Variants in MUC4 observed in about 807,000 individuals in gnomAD.
MUC4 encodes mucin 4, cell surface associated.
A neutral mutation model predicts 257.9 loss-of-function variants in MUC4; 202 were observed. That is an observed-to-expected ratio of 0.78 (90% CI 0.70 to 0.88). The LOEUF is 0.88. MUC4 is among the 40% of genes least tolerant of loss of function. The pLI is 0.00. For missense variants in MUC4, 5,976 were observed against 6,513.7 expected, an observed-to-expected ratio of 0.92 and a Z score of 2.84; for synonymous variants, 2,351 against 2,757.1, an observed-to-expected ratio of 0.85 and a Z score of 4.62.
At chr3:195,808,101 T>G (rs1736213815) in intron 1 of MUC4, among the ~76,000 whole-genome samples, 1 of 152,252 alleles carries the variant, frequency 6.6e-6, no homozygotes, top group Non-Finnish European at 1.5e-5. Context: ...GGGTGGCTTT[T>G]TAGAGGCACG....
chr3:195,763,900 G>C, intron 11 of MUC4, 145 bp downstream of exon 11: 1 of 1,314,402 alleles, frequency 7.6e-7, no homozygotes, highest in African/African-American at 1.5e-5. Flanking sequence ...CCCCTCCACT[G>C]ACCATCCACC....
Position 195,801,463 on chromosome 3 carries a change from G to C in MUC4, c.83-9966C>G, listed in dbSNP as rs1429209292. ...GGGGCCCCGGGGCTCCCTCCTGCCC[G>C]GATGGCTCACTGCTCTGCCTCTGTG... On this transcript the variant is annotated intron_variant, in intron 1 of 24. Transcript: ENST00000463781. Among the ~76,000 whole-genome samples, 3 of 151,714 alleles carry C rather than the reference G, an allele frequency of 2.0e-5. No homozygotes were observed. In the East Asian group the frequency reaches 5.8e-4, roughly 29 times the overall value.
At chr3:195,766,527 G>A (rs1720531412) in intron 8 of MUC4, 136 bp downstream of exon 8, 3 of 749,362 alleles carry the variant, frequency 4.0e-6, no homozygotes, top group Non-Finnish European at 6.8e-6. Flanking sequence ...CCTGTAGGAG[G>A]TTGAACTGTG....
chr3:195,762,982 C>CA, intron 12 of MUC4, 37 bp from the exon 13 acceptor site: 2 of 1,465,186 alleles, frequency 1.4e-6, no homozygotes, highest in Middle Eastern at 3.4e-4. Context: ...GCCCGACCCG[C>CA]AGGTGGAGCC....
Position 195,791,304 on chromosome 3 carries a change from G to A in MUC4, c.276C>T (p.Thr92=), listed in dbSNP as rs1041751686. The part of the protein sequence containing the change: ...TETTSKAQTD[T]LTQMMTSTLF... ...GAGTTGATGTCATCATCTGCGTGAG[G>A]GTGTCGGTTTGAGCTTTGCTGGTGG... Residue 92 remains threonine, a synonymous_variant, in exon 2 of 25, where the codon ACC becomes ACT. Coordinates refer to ENST00000463781, the MANE Select transcript of MUC4 (RefSeq NM_018406.7). 6.2e-7 allele frequency: 1 copy of A among 1,613,738 alleles called. No homozygotes were observed. Among genetic ancestry groups the A allele is most frequent in the African/African-American group, 1.3e-5 (1 of 74,864 alleles).
Position 195,782,161 on chromosome 3 carries a change from G to C in MUC4, c.9419C>G (p.Thr3140Ser), listed in dbSNP as rs1435030136. The C allele has an allele frequency of 1.5e-6, 2 of 1,357,374 alleles. No homozygotes were observed. The highest frequency in any genetic ancestry group is 4.6e-5 in the Admixed American group (2 of 43,414). The allele number at this position is 1,357,374 out of a possible 1,614,324, so 84.1% of individuals were successfully genotyped here. ...ACCTGTGGATGCTGAGGAAGTGCTG[G>C]TGACAGGAAGAGCGGTGGCCTGACC... The part of the protein sequence containing the change: ...STGQATALPV[T>S]STSSASTGDT... Residue 3140 changes from threonine to serine, a missense_variant, in exon 2 of 25, where the codon ACC becomes AGC. Thr to Ser is a moderately conservative substitution (Grantham distance 58). Coordinates refer to ENST00000463781, the MANE Select transcript of MUC4 (RefSeq NM_018406.7).
rs1479315712 is a variant in MUC4, at chr3:195,747,502, A to G, written c.16035-122T>C. On this transcript the variant is annotated intron_variant, in intron 24 of 24. Transcript: ENST00000463781. The stretch of plus-strand genomic sequence containing the variant: ...GCTGGGCTCGCCCCACTCTCCGGAG[A>G]GACTGAGTCAGCCCTGAGGCCGTGC... The G allele has an allele frequency of 6.0e-6, 7 of 1,166,568 alleles. No individual in the cohort carries two copies. The East Asian group carries it at 7.6e-5, about 13-fold the overall frequency. The allele number at this position is 1,166,568 out of a possible 1,614,324, so 72.3% of individuals were successfully genotyped here. A position where few individuals can be genotyped will look rare whatever the true frequency, so the allele number is the denominator to read the frequency against.
chr3:195,757,130 C>A lies in MUC4; in HGVS notation c.15168+17G>T. On this transcript the variant is annotated intron_variant, in intron 18 of 24. Transcript: ENST00000463781. The surrounding 1 kb of genome is among the most constrained non-coding windows in gnomAD (Gnocchi z 4.8). The stretch of plus-strand genomic sequence containing the variant: ...CCCCTCGGCACAGAAACTCCTCCCC[C>A]ACCTCCCAACACTCACCTCCAGGGA... The A allele has an allele frequency of 1.3e-6, 2 of 1,580,126 alleles. No homozygotes were observed. The highest frequency in any genetic ancestry group is 8.7e-7 in the Non-Finnish European group (1 of 1,154,616).
In MUC4 at chr3:195,751,232, G is replaced by A; in HGVS notation, c.15622C>T (p.Leu5208Phe). 6.2e-7 allele frequency: 1 copy of A among 1,607,822 alleles called. No homozygotes were observed. Among genetic ancestry groups the A allele is most frequent in the Non-Finnish European group, 8.5e-7 (1 of 1,177,618 alleles). ...ATTCGTTCCACTTGGCTGTTGCGGA[G>A]AAAGGCCCGCATGTCCAGGGTCCCC... ...RLGTLDMRAF[L>F]RNSQVERIDS... Residue 5208 changes from leucine (L) to phenylalanine (F), a missense_variant, in exon 22 of 25, where the codon CTC becomes TTC. By Grantham distance (22) the Leu-to-Phe change is conservative. This residue lies in a region of MUC4 where 996 missense variants were observed against 1,137.3 expected (regional missense o/e 0.88). Coordinates refer to ENST00000463781, the MANE Select transcript of MUC4 (RefSeq NM_018406.7).
intron 24 of MUC4, among the ~76,000 whole-genome samples, chr3:195,747,931 T>C (rs1253264250): frequency 6.6e-6 from 1 of 152,242 alleles, no homozygotes; most frequent in Non-Finnish European, 1.5e-5. Context: ...GCGGCAGGGA[T>C]GCCGGCCACA....
At chr3:195,802,938 G>A (rs1207727254) in intron 1 of MUC4, among the ~76,000 whole-genome samples, 4 of 151,820 alleles carry the variant, frequency 2.6e-5, no homozygotes, top group South Asian at 4.2e-4. Context: ...TAGACTTCAC[G>A]CCCCTCCCTT....
At chr3:195,767,566 A>ATTG (rs1721124511) in intron 7 of MUC4, among the ~76,000 whole-genome samples, 1 of 116,020 alleles carries the variant, frequency 8.6e-6, no homozygotes, top group Non-Finnish European at 1.7e-5. Context: ...TACCATTGCC[A>ATTG]CCACCATCAC....
In MUC4 at chr3:195,790,323, A is replaced by C. The variant is rs776012510; in HGVS notation, c.1257T>G (p.Ser419=). The C allele has an allele frequency of 6.8e-6, 11 of 1,613,850 alleles. No individual in the cohort carries two copies. Among genetic ancestry groups the C allele is most frequent in the African/African-American group, 1.3e-5 (1 of 74,934 alleles). The stretch of plus-strand genomic sequence containing the variant: ...TGGTTGAAACTTTGGAAGTGATTGC[A>C]GAAATGGTTCCACTTACAGATAGTG... ...ETSLSVSGTI[S]AITSKVSTIW... The change falls in exon 2 of 25, where the codon TCT becomes TCG. Residue 419 remains serine, a synonymous_variant. Transcript: ENST00000463781.
rs1028766855 is a variant in MUC4, at chr3:195,778,062, G to T, written c.12943+241C>A. On this transcript the variant is annotated intron_variant, in intron 3 of 24. Transcript: ENST00000463781. ...AGACCCTGGGATGAGTCCTCTAACC[G>T]CCGCTACCGGACCGTCCATCTATCC... is the stretch of plus-strand genomic sequence containing the variant. Among the ~76,000 whole-genome samples, 3 of 152,296 alleles carry T rather than the reference G, an allele frequency of 2.0e-5. No homozygotes were observed. In the East Asian group the frequency reaches 5.8e-4, roughly 29 times the overall value.
chr3:195,785,986 A>T lies in MUC4; in HGVS notation c.5594T>A (p.Val1865Glu). 2 of 1,495,372 alleles carry T rather than the reference A, an allele frequency of 1.3e-6. No individual in the cohort carries two copies. Among genetic ancestry groups the T allele is most frequent in the Middle Eastern group, 4.6e-4 (2 of 4,392 alleles). The allele number at this position is 1,495,372 out of a possible 1,614,324, so 92.6% of individuals were successfully genotyped here. Reference sequence around the variant, plus strand: ...AAGAGAGGTGGCGTGACCTGTGGACACTGAGGAAGCGTCGGTGACAGGAAG... The same window carrying T: ...AAGAGAGGTGGCGTGACCTGTGGACTCTGAGGAAGCGTCGGTGACAGGAAG... ...TSLPVTDASSVSTGHATSLLV... is the reference protein window; with the variant it reads ...TSLPVTDASSESTGHATSLLV... Residue 1865 changes from valine (V) to glutamate (E), a missense_variant, in exon 2 of 25, where the codon GTG becomes GAG. By Grantham distance (121) the Val-to-Glu change is moderately radical. This residue lies in a region of MUC4 where 31 missense variants were observed against 71.1 expected (regional missense o/e 0.44). Transcript: ENST00000463781.
rs767413135 is a variant in MUC4 at position 195,757,351 on chromosome 3, G to C, written c.14987-23C>G. On this transcript the variant is annotated intron_variant, in intron 17 of 24. Coordinates refer to ENST00000463781, the MANE Select transcript of MUC4 (RefSeq NM_018406.7). This position sits in a 1 kb window ranked among gnomAD's most constrained non-coding sequence, Gnocchi z 4.8. ...TCTCTGCCCCGGGGAAGATGAGAAT[G>C]TTGAGAGCTGGGAGACTCCTCGGCT... 6.3e-7 allele frequency: 1 copy of C among 1,577,374 alleles called. No individual in the cohort carries two copies. The highest frequency in any genetic ancestry group is 2.3e-5 in the East Asian group (1 of 44,052).
rs755349110 is a variant in MUC4 at position 195,790,617 on chromosome 3, A to G, written c.963T>C (p.Phe321=). The change falls in exon 2 of 25, where the codon TTT becomes TTC. Residue 321 remains phenylalanine (F), a synonymous_variant. Coordinates refer to ENST00000463781, the MANE Select transcript of MUC4 (RefSeq NM_018406.7). ...CGCTCTGAGTCTGGTGGTTCTTAGA[A>G]AAAGCTGTTGTGTCCTGAGTAGAAG... is the stretch of plus-strand genomic sequence containing the variant. ...SRTSTQDTTA[F]SKNHQTQSVE... 2 of 1,613,926 alleles carry G rather than the reference A, an allele frequency of 1.2e-6. No homozygotes were observed. Among genetic ancestry groups the G allele is most frequent in the Non-Finnish European group, 1.7e-6 (2 of 1,179,854 alleles).
rs1728740390 is a variant in MUC4, at chr3:195,782,569, C to T, written c.9011G>A (p.Gly3004Asp). The T allele has an allele frequency of 1.1e-6, 1 of 916,948 alleles. No homozygotes were observed. Among genetic ancestry groups the T allele is most frequent in the African/African-American group, 1.8e-5 (1 of 55,036 alleles). 56.8% of individuals were successfully genotyped at this position (916,948 alleles called of 1,614,324 possible). The change falls in exon 2 of 25, where the codon GGT becomes GAT. Residue 3004 changes from glycine to aspartate, a missense_variant. Physicochemically the swap from Gly to Asp is moderately conservative, Grantham distance 94 (BLOSUM62 -1). This residue lies in a region of MUC4 where 68 missense variants were observed against 50.2 expected (regional missense o/e 1.35). Transcript: ENST00000463781. ...GGTGACAGGAAGAGAGGTGGCGTGA[C>T]CTATGGATGCTGAGGAAGTGTCGGT... ...PVTDTSSASI[G>D]HATSLPVTDT... is the part of the protein sequence containing the mutation.
In MUC4 at chr3:195,784,288, G is replaced by T. The variant is rs1730119560; in HGVS notation, c.7292C>A (p.Thr2431Asn). 1.4e-6 allele frequency: 2 copies of T among 1,416,676 alleles called. No homozygotes were observed. Among genetic ancestry groups the T allele is most frequent in the Non-Finnish European group, 1.9e-6 (2 of 1,046,232 alleles). The allele number at this position is 1,416,676 out of a possible 1,614,324, so 87.8% of individuals were successfully genotyped here. ...GGAAACGTTGGTGACAGGAAGACGG[G>T]TGGTGTCACCTGTGGAAGCTGAGGA... Reference protein sequence around the residue: ...GLSSASTGDTTRLPVTNVSSA... With the variant: ...GLSSASTGDTNRLPVTNVSSA... The change falls in exon 2 of 25, where the codon ACC becomes AAC. Residue 2431 changes from threonine (T) to asparagine (N), a missense_variant. Physicochemically the swap from Thr to Asn is moderately conservative, Grantham distance 65 (BLOSUM62 0). This residue lies in a region of MUC4 where 57 missense variants were observed against 116.5 expected (regional missense o/e 0.49). Coordinates refer to ENST00000463781, the MANE Select transcript of MUC4 (RefSeq NM_018406.7).
Sources: gnomAD v4.1 joint callset for allele counts (sites outside exome capture counted in the v4.1 genomes callset) on GRCh38, gnomAD v4.1.1 for gene constraint, gnomAD v4.1.1 regional missense constraint, Gnocchi (gnomAD v3.1) non-coding constraint, MANE v1.5 for transcripts, NCBI Gene and HGNC (gene_info 2026-07-23, HGNC 2026-07-21) for gene names.